Variants in CERS3 observed in about 807,000 individuals in gnomAD.
CERS3 encodes LAG1 homolog, ceramide synthase 3.
In CERS3, 33 loss-of-function variants were observed where a neutral mutation model predicts 50.3. The observed-to-expected ratio is 0.66, with a 90% CI of 0.50 to 0.88. The LOEUF is 0.88. Ranked by LOEUF, CERS3 falls within the 40% of genes least tolerant of loss-of-function variation. CERS3 has a pLI of 0.00. For missense variants in CERS3, 470 were observed against 460.3 expected, an observed-to-expected ratio of 1.02 and a Z score of -0.19; for synonymous variants, 176 against 155.2, an observed-to-expected ratio of 1.13 and a Z score of -0.99.
chr15:100,406,070 A>C (rs1232190073), intron 11 of CERS3, among the ~76,000 whole-genome samples: 1 of 152,194 alleles, frequency 6.6e-6, no homozygotes. Context: ...TTTTGCAGAG[A>C]AATCTAGAAA....
At chr15:100,424,508 T>A (rs1188875785) in intron 11 of CERS3, among the ~76,000 whole-genome samples, 1 of 152,186 alleles carries the variant, frequency 6.6e-6, no homozygotes, top group Non-Finnish European at 1.5e-5. Context: ...CAGATGGAGA[T>A]GAAGAACTTT....
rs547880371 is a variant in CERS3, at chr15:100,527,672, C to T, written c.-92+1141G>A. ...TAAATCTCACTAAGCCTCAATTCCT[C>T]GTCTGAAAGTGGCGTATCATGAGCC... On this transcript the variant is annotated intron_variant, in intron 1 of 11. Transcript: ENST00000679737. 7.2e-5 allele frequency among the ~76,000 whole-genome samples: 11 copies of T among 152,304 alleles called. No homozygotes were observed. In the East Asian group the frequency reaches 7.7e-4, roughly 11 times the overall value.
intron 11 of CERS3, among the ~76,000 whole-genome samples, chr15:100,440,093 T>G (rs1252031158): frequency 2.0e-5 from 3 of 152,340 alleles, no homozygotes; most frequent in Middle Eastern, 6.8e-3. Flanking sequence ...CGTTTCTCCA[T>G]GGGGACAGGA....
intron 9 of CERS3, 139 bp downstream of exon 9, chr15:100,472,785 G>A (rs2035008849): frequency 3.2e-6 from 3 of 946,886 alleles, no homozygotes; most frequent in Non-Finnish European, 5.0e-6. Flanking sequence ...TGGAGGATCT[G>A]GGAATCTAGA....
At chr15:100,466,779 T>TC (rs2034738679) in intron 10 of CERS3, among the ~76,000 whole-genome samples, 1 of 43,036 alleles carries the variant, frequency 2.3e-5, no homozygotes, top group African/African-American at 7.6e-5. Flanking sequence ...CTTCCTTCCT[T>TC]CCTTCCTTCC....
intron 11 of CERS3, among the ~76,000 whole-genome samples, chr15:100,416,486 C>T (rs1458555710): frequency 3.3e-5 from 5 of 152,122 alleles, no homozygotes; most frequent in East Asian, 1.9e-4. Flanking sequence ...ACTGCTATAA[C>T]GATACTACCC....
chr15:100,443,983 C>G (rs1317117397), intron 11 of CERS3, among the ~76,000 whole-genome samples: 1 of 152,172 alleles, frequency 6.6e-6, no homozygotes, highest in Non-Finnish European at 1.5e-5. Flanking sequence ...AGAGACTGCC[C>G]CCATTCTAGC....
intron 1 of CERS3, among the ~76,000 whole-genome samples, chr15:100,522,816 C>T (rs1270658825): frequency 2.0e-5 from 3 of 152,108 alleles, no homozygotes; most frequent in Non-Finnish European, 4.4e-5. Flanking sequence ...TAGGTAAATA[C>T]GTGAATGCAT....
At chr15:100,419,852 A>G (rs879930863) in intron 11 of CERS3, among the ~76,000 whole-genome samples, 2,253 of 146,260 alleles carry the variant, frequency 0.015, 25 homozygotes, top group Admixed American at 0.025. Flanking sequence ...TAACGAAATG[A>G]AGGCAGAAAT....
intron 11 of CERS3, among the ~76,000 whole-genome samples, chr15:100,413,965 C>A (rs74428682): frequency 0.016 from 2,488 of 152,054 alleles, 30 homozygotes; most frequent in Admixed American, 0.027. Flanking sequence ...ACCTGCCAAC[C>A]AGAAAAATAC....
Position 100,400,710 on chromosome 15 carries a change from A to T in CERS3, c.*2003T>A, listed in dbSNP as rs1332819847. On this transcript the variant is annotated 3_prime_UTR_variant, in exon 12 of 12. Coordinates refer to ENST00000679737, the MANE Select transcript of CERS3 (RefSeq NM_001378789.1). ...ATACTTTTCTACCTTAAGCAAGAAG[A>T]TATTTGGTACAGAGACAAAAACCAA... is the stretch of plus-strand genomic sequence containing the variant. The T allele has an allele frequency of 1.3e-5, 2 of 152,206 alleles. No homozygotes were observed. The highest frequency in any genetic ancestry group is 4.8e-5 in the African/African-American group (2 of 41,458). 9.4% of individuals were successfully genotyped at this position (152,206 alleles called of 1,614,324 possible).
chr15:100,481,820 C>T (rs2035308804), intron 5 of CERS3, among the ~76,000 whole-genome samples: 1 of 152,214 alleles, frequency 6.6e-6, no homozygotes, highest in Admixed American at 6.5e-5. Context: ...AGCCCTAAAC[C>T]AGGGATTCTC....
chr15:100,521,827 T>G (rs2036648009), intron 1 of CERS3, 71 bp from the exon 2 acceptor site: 1 of 152,194 alleles, frequency 6.6e-6, no homozygotes, highest in African/African-American at 2.4e-5. Context: ...CCTTCTATAA[T>G]AGGTCTAAAA....
intron 11 of CERS3, among the ~76,000 whole-genome samples, chr15:100,431,521 G>A (rs144081176): frequency 1.1e-4 from 17 of 152,186 alleles, no homozygotes; most frequent in African/African-American, 4.1e-4. Flanking sequence ...TTTTCAAGAT[G>A]GGAATGTTTG....
At chr15:100,485,649 C>T (rs1000064427) in intron 4 of CERS3, among the ~76,000 whole-genome samples, 3 of 151,974 alleles carry the variant, frequency 2.0e-5, no homozygotes, top group African/African-American at 4.8e-5. Flanking sequence ...GCCGAGAAGG[C>T]GGTCAGGAGT....
At chr15:100,431,952 T>C (rs780166428) in intron 11 of CERS3, among the ~76,000 whole-genome samples, 9 of 152,202 alleles carry the variant, frequency 5.9e-5, no homozygotes, top group South Asian at 2.1e-4. Flanking sequence ...GTAGATCTTC[T>C]TGTGTGTTAG....
At position 100,490,809 on chromosome 15, in the gene CERS3, G is replaced by C. The variant is rs188870558; in HGVS notation, c.288+8C>G. The C allele has an allele frequency of 6.5e-7, 1 of 1,531,028 alleles. No homozygotes were observed. Among genetic ancestry groups the C allele is most frequent in the East Asian group, 2.3e-5 (1 of 44,270 alleles). The allele number at this position is 1,531,028 out of a possible 1,614,324, so 94.8% of individuals were successfully genotyped here. A position where few individuals can be genotyped will look rare whatever the true frequency, so the allele number is the denominator to read the frequency against. ...TTTTAAGTCGAAAAGCAAAGAATTT[G>C]TACTTACTTGCAATGGTTGCCTTGT... On this transcript the variant is annotated splice_region_variant and intron_variant, in intron 4 of 11. Transcript: ENST00000679737.
At chr15:100,479,374 T>A in intron 7 of CERS3, 54 bp downstream of exon 7, 3 of 1,341,148 alleles carry the variant, frequency 2.2e-6, no homozygotes, top group Non-Finnish European at 3.1e-6. Flanking sequence ...AAGGAGATAA[T>A]TTGAGGGATC....
chr15:100,476,105 C>A lies in CERS3; in HGVS notation c.590G>T (p.Gly197Val). 1 of 1,566,478 alleles carries A rather than the reference C, an allele frequency of 6.4e-7. No individual in the cohort carries two copies. Among genetic ancestry groups the A allele is most frequent in the African/African-American group, 1.4e-5 (1 of 71,580 alleles). The change falls in exon 8 of 12, where the codon GGC becomes GTC. Residue 197 changes from glycine to valine, a missense_variant. Gly to Val is a moderately radical substitution (Grantham distance 109, BLOSUM62 -3). Coordinates refer to ENST00000679737, the MANE Select transcript of CERS3 (RefSeq NM_001378789.1). ...ACTTACCTTTCTCTTGACATCAAAG[C>A]CAAGTCTAAATAACAGAGACCAATA... ...SFYWSLLFRL[G>V]FDVKRKDFLA...
Sources: gnomAD v4.1 joint callset for allele counts (sites outside exome capture counted in the v4.1 genomes callset) on GRCh38, gnomAD v4.1.1 for gene constraint, MANE v1.5 for transcripts, NCBI Gene and HGNC (gene_info 2026-07-23, HGNC 2026-07-21) for gene names.